Variants in MAP3K19 observed in about 807,000 individuals in gnomAD.
MAP3K19 encodes SPS1/STE20-related protein kinase YSK4.
MAP3K19 carries 91 observed loss-of-function variants against 114.4 expected under a neutral mutation model. The observed-to-expected ratio is 0.80, with a 90% CI of 0.67 to 0.95. MAP3K19 has a LOEUF of 0.95. Among genes scored for constraint, MAP3K19 ranks in the 40% least tolerant of loss-of-function variants. The pLI, the probability that MAP3K19 is intolerant of heterozygous loss-of-function variation, is 0.00. For synonymous variants in MAP3K19, 518 were observed against 530.5 expected (o/e 0.98, Z 0.32); for missense variants, 1,471 against 1,573.2 (o/e 0.94, Z 1.10).
chr2:135,041,686 C>T (rs1024329501), intron 1 of MAP3K19, among the ~76,000 whole-genome samples: 1 of 152,198 alleles, frequency 6.6e-6, no homozygotes, highest in Non-Finnish European at 1.5e-5. Flanking sequence ...TATACTCCAA[C>T]TTCTGCTTCT....
At chr2:135,042,423 A>T (rs1005593397) in intron 1 of MAP3K19, among the ~76,000 whole-genome samples, 2 of 150,042 alleles carry the variant, frequency 1.3e-5, no homozygotes, top group Non-Finnish European at 3.0e-5. Flanking sequence ...AATGGCGTGA[A>T]CCCAGGAGGC....
rs909990853 is a variant in MAP3K19 at position 134,989,857 on chromosome 2, G to A, written c.619-1604C>T. On this transcript the variant is annotated intron_variant, in intron 9 of 12. Transcript: ENST00000392915. ...AGCACTTTGGGAGGCCGAGGCAATCGGATCACTCAAGGTCAGGAGTTCAAG... is the reference window on the plus strand; with the variant it reads ...AGCACTTTGGGAGGCCGAGGCAATCAGATCACTCAAGGTCAGGAGTTCAAG... 6.6e-5 allele frequency among the ~76,000 whole-genome samples: 10 copies of A among 152,156 alleles called. No individual in the cohort carries two copies. In the South Asian group the frequency reaches 1.2e-3, roughly 19 times the overall value.
chr2:135,026,460 C>A (rs1688257492), intron 3 of MAP3K19, among the ~76,000 whole-genome samples: 1 of 151,972 alleles, frequency 6.6e-6, no homozygotes, highest in African/African-American at 2.4e-5. Context: ...TTTACAATAT[C>A]TTGTATTCTT....
Position 134,988,156 on chromosome 2 carries a change from G to C in MAP3K19, c.716C>G (p.Pro239Arg), listed in dbSNP as rs1685304075. 6.2e-7 allele frequency: 1 copy of C among 1,613,688 alleles called. No individual in the cohort carries two copies. The highest frequency in any genetic ancestry group is 8.5e-7 in the Non-Finnish European group (1 of 1,179,886). ...KFPKEKERNI[P>R]SLTSFVPKLS... ...CTTAGGCACAAAAGATGTGAGACTTGGAATGTTTCTTTCTTTTTCTTTTGG... is the reference window on the plus strand; with the variant it reads ...CTTAGGCACAAAAGATGTGAGACTTCGAATGTTTCTTTCTTTTTCTTTTGG... Residue 239 changes from proline (P) to arginine (R), a missense_variant, in exon 10 of 13, where the codon CCA becomes CGA. By Grantham distance (103) the Pro-to-Arg change is moderately radical. Coordinates refer to ENST00000392915, the MANE Select transcript of MAP3K19 (RefSeq NM_025052.5).
chr2:134,967,325 C>T (rs988289134), intron 12 of MAP3K19, among the ~76,000 whole-genome samples: 9 of 151,886 alleles, frequency 5.9e-5, no homozygotes, highest in African/African-American at 2.2e-4. Context: ...CCTGAGCGTC[C>T]CCGAGCCCGA....
At chr2:135,044,045 C>T (rs1253870248) in intron 1 of MAP3K19, among the ~76,000 whole-genome samples, 2 of 152,186 alleles carry the variant, frequency 1.3e-5, no homozygotes, top group East Asian at 3.8e-4. Flanking sequence ...TCTTTATCTA[C>T]CTTTGTTCAA....
intron 5 of MAP3K19, among the ~76,000 whole-genome samples, chr2:135,015,385 T>G (rs1210418866): frequency 6.6e-6 from 1 of 152,208 alleles, no homozygotes; most frequent in Non-Finnish European, 1.5e-5. Context: ...CACTTTCTAT[T>G]AGCCTATCTG....
intron 8 of MAP3K19, among the ~76,000 whole-genome samples, chr2:134,997,932 G>C (rs933750617): frequency 2.6e-5 from 4 of 151,712 alleles, no homozygotes; most frequent in South Asian, 2.1e-4. Flanking sequence ...ATGTGTCACA[G>C]CTCCACTGGC....
At chr2:134,970,936 C>A (rs1683832188) in intron 12 of MAP3K19, among the ~76,000 whole-genome samples, 1 of 152,166 alleles carries the variant, frequency 6.6e-6, no homozygotes. Flanking sequence ...ATCACTCTGG[C>A]TAGAACTTCC....
chr2:135,015,891 C>CAA (rs565542667), intron 5 of MAP3K19, among the ~76,000 whole-genome samples: 2 of 137,514 alleles, frequency 1.5e-5, no homozygotes, highest in Non-Finnish European at 1.6e-5. Flanking sequence ...GCCTCCATCT[C>CAA]AAAAAAAAAA....
intron 3 of MAP3K19, among the ~76,000 whole-genome samples, chr2:135,025,149 T>G (rs1392237982): frequency 2.0e-5 from 3 of 152,080 alleles, no homozygotes; most frequent in Non-Finnish European, 1.5e-5. Flanking sequence ...TCATTCCAAA[T>G]AGCTCACTTG....
rs55703769 is a variant in MAP3K19, at chr2:135,005,813, C to T, written c.139-282G>A. ...ATTTTATACTTTATCATCTCAGTGC[C>T]CAGGCTGCTAAGCTGCCCCAAATTC... On this transcript the variant is annotated intron_variant, in intron 5 of 12. Transcript: ENST00000392915. Among the ~76,000 whole-genome samples, 1,447 of 152,238 alleles carry T rather than the reference C, an allele frequency of 9.5e-3. 22 individuals carry two copies. Among genetic ancestry groups the T allele is most frequent in the African/African-American group, 0.033 (1,383 of 41,526 alleles).
rs1448192888 is a variant in MAP3K19, at chr2:134,999,408, T to C, written c.315-411A>G. Among the ~76,000 whole-genome samples, 2 of 152,174 alleles carry C rather than the reference T, an allele frequency of 1.3e-5. No homozygotes were observed. The highest frequency in any genetic ancestry group is 3.8e-4 in the East Asian group (2 of 5,204). ...AACTGATACTTTTGTAAAATATAAA[T>C]GAATTGCCATAAAAATGGAAGAAAA... On this transcript the variant is annotated intron_variant, in intron 7 of 12. Transcript: ENST00000392915. The surrounding 1 kb of genome is among the most constrained non-coding windows in gnomAD (Gnocchi z 4.1).
intron 12 of MAP3K19, among the ~76,000 whole-genome samples, chr2:134,977,356 A>ATTTTTTTTTT (rs774277347): frequency 1.2e-4 from 10 of 86,840 alleles, no homozygotes; most frequent in South Asian, 4.7e-4. Context: ...TAATTTTTAA[A>ATTTTTTTTTT]TTTTTTTTTT....
chr2:134,986,670 T>C lies in MAP3K19; in HGVS notation c.2202A>G (p.Gln734=), dbSNP rs1392114442. ...KCPKTSFGIK[Q]EHKVLISKEK... is the part of the protein sequence containing the mutation. ...CTTTAGAAATTAAGACTTTGTGCTC[T>C]TGTTTAATGCCAAATGAAGTCTTTG... is the stretch of plus-strand genomic sequence containing the variant. The change falls in exon 10 of 13, where the codon CAA becomes CAG. Residue 734 remains glutamine, a synonymous_variant. Coordinates refer to ENST00000392915, the MANE Select transcript of MAP3K19 (RefSeq NM_025052.5). 8 of 1,614,222 alleles carry C rather than the reference T, an allele frequency of 5.0e-6. No homozygotes were observed. Among genetic ancestry groups the C allele is most frequent in the Non-Finnish European group, 6.8e-6 (8 of 1,180,042 alleles).
chr2:135,041,025 T>A (rs1688635524), intron 1 of MAP3K19, among the ~76,000 whole-genome samples: 1 of 152,308 alleles, frequency 6.6e-6, no homozygotes, highest in African/African-American at 2.4e-5. Context: ...GTTGGCACAT[T>A]CTACAGGTGA....
At chr2:135,040,153 G>A (rs2104798289) in intron 2 of MAP3K19, among the ~76,000 whole-genome samples, 1 of 152,248 alleles carries the variant, frequency 6.6e-6, no homozygotes, top group African/African-American at 2.4e-5. Context: ...GATCACCTTG[G>A]ATATAGCAGG....
Position 134,986,612 on chromosome 2 carries a change from G to A in MAP3K19, c.2260C>T (p.His754Tyr). ...KSSKAVHSNL[H>Y]DIENGDGISE... ...ATACCATCACCATTTTCAATGTCAT[G>A]TAGGTTGCTATGTACAGCCTTGGAA... is the stretch of plus-strand genomic sequence containing the variant. The change falls in exon 10 of 13, where the codon CAT becomes TAT. Residue 754 changes from histidine to tyrosine, a missense_variant. Physicochemically the swap from His to Tyr is moderately conservative, Grantham distance 83 (BLOSUM62 2). Transcript: ENST00000392915. 2 of 1,614,148 alleles carry A rather than the reference G, an allele frequency of 1.2e-6. No individual in the cohort carries two copies. Among genetic ancestry groups the A allele is most frequent in the Admixed American group, 3.3e-5 (2 of 60,018 alleles).
chr2:135,015,376 A>G (rs1049266747), intron 5 of MAP3K19, among the ~76,000 whole-genome samples: 6 of 152,226 alleles, frequency 3.9e-5, no homozygotes, highest in African/African-American at 1.4e-4. Context: ...GTTTTTGCCC[A>G]CTTTCTATTA....
Sources: allele counts gnomAD v4.1 joint callset (sites outside exome capture counted in the v4.1 genomes callset), GRCh38; gene constraint gnomAD v4.1.1; non-coding constraint Gnocchi (gnomAD v3.1); transcripts MANE v1.5; gene names NCBI Gene and HGNC (gene_info 2026-07-23, HGNC 2026-07-21).